The following DDX11 variants were observed in gnomAD, a reference collection of about 807,000 sequenced individuals.
DDX11 encodes DEAD/H-box helicase 11, also known as ATP-dependent DNA helicase DDX11.
A neutral mutation model predicts 125.2 loss-of-function variants in DDX11; 72 were observed. That is an observed-to-expected ratio of 0.58 (90% CI 0.48 to 0.70). DDX11 has a LOEUF of 0.70. Ranked by LOEUF, DDX11 falls within the 30% of genes least tolerant of loss-of-function variation. The pLI is 0.00. For synonymous variants in DDX11, 347 were observed against 452.6 expected (o/e 0.77, Z 2.96); for missense variants, 883 against 1,165.0 (o/e 0.76, Z 3.52).
intron 2 of DDX11, among the ~76,000 whole-genome samples, chr12:31,083,087 T>C (rs1453952157): frequency 1.3e-5 from 2 of 152,046 alleles, no homozygotes; most frequent in Non-Finnish European, 2.9e-5. Flanking sequence ...ACACAGGAAT[T>C]TGGAGGAATA....
chr12:31,083,668 C>T (rs911251498), intron 2 of DDX11, 145 bp from the exon 3 acceptor site: 4 of 1,060,480 alleles, frequency 3.8e-6, no homozygotes, highest in Non-Finnish European at 5.6e-6. Context: ...TGCTAATTTC[C>T]TTCCTTTCCT....
intron 20 of DDX11, chr12:31,101,595 G>A (rs934540704): frequency 1.2e-5 from 7 of 575,610 alleles, no homozygotes; most frequent in East Asian, 3.1e-5. Context: ...CCCTAGGGAC[G>A]CTAGTGCTGT....
At chr12:31,079,052 T>TA (rs1941318554) in intron 2 of DDX11, among the ~76,000 whole-genome samples, 1 of 152,178 alleles carries the variant, frequency 6.6e-6, no homozygotes, top group African/African-American at 2.4e-5. Context: ...GCCTACCTAT[T>TA]ACGGTAGATG....
At chr12:31,094,893 T>C in intron 14 of DDX11, 71 bp downstream of exon 14, 9 of 1,549,814 alleles carry the variant, frequency 5.8e-6, no homozygotes, top group Non-Finnish European at 8.0e-6. Flanking sequence ...TAAAGTACTA[T>C]GTTAAGACTG....
At chr12:31,095,261 T>TG (rs1188905120) in intron 14 of DDX11, among the ~76,000 whole-genome samples, 2 of 152,224 alleles carry the variant, frequency 1.3e-5, no homozygotes, top group African/African-American at 4.8e-5. Context: ...CACTGCCGCC[T>TG]GAACCCCAAG....
At chr12:31,085,987 C>T (rs1312077589) in intron 5 of DDX11, 1 of 453,388 alleles carries the variant, frequency 2.2e-6, no homozygotes, top group Non-Finnish European at 4.4e-6. Context: ...ATGGATATTC[C>T]TGAAGGTTCA....
chr12:31,083,889 C>G lies in DDX11; in HGVS notation c.221C>G (p.Ala74Gly), dbSNP rs1942510710. The G allele has an allele frequency of 5.0e-6, 8 of 1,613,436 alleles. No individual in the cohort carries two copies. The highest frequency in any genetic ancestry group is 6.8e-6 in the Non-Finnish European group (8 of 1,179,828). The change falls in exon 3 of 27, where the codon GCA (alanine) becomes GGA (glycine). Residue 74 changes from alanine (A) to glycine (G), a missense_variant. By Grantham distance (60) the Ala-to-Gly change is moderately conservative. Around this residue, in one of 5 missense-constraint regions of DDX11, gnomAD observed 283 missense variants for 359.6 expected, o/e 0.79. Coordinates refer to ENST00000542838, the MANE Select transcript of DDX11 (RefSeq NM_030653.4). Reference sequence around the variant, plus strand: ...GAACAGAAGAAGCGTGAAGAAGAGGCACGACTCCTTGAAACTGGAACTGGC... The same window carrying G: ...GAACAGAAGAAGCGTGAAGAAGAGGGACGACTCCTTGAAACTGGAACTGGC... ...DFEQKKREEE[A>G]RLLETGTGPL...
In DDX11 at chr12:31,097,924, A is replaced by G; in HGVS notation, c.1802A>G (p.Asn601Ser). ...AGCACCCTGAAGTTTTTGCTCCTGA[A>G]TCCAGCTGTGCACTTTGCCCAAGTG... ...SQSTLKFLLL[N>S]PAVHFAQVVK... The change falls in exon 18 of 27, where the codon AAT (asparagine) becomes AGT (serine). Residue 601 changes from asparagine to serine, a missense_variant. Asn to Ser is a conservative substitution (Grantham distance 46). Around this residue, in one of 5 missense-constraint regions of DDX11, gnomAD observed 241 missense variants for 279.7 expected, o/e 0.86. Coordinates refer to ENST00000542838, the MANE Select transcript of DDX11 (RefSeq NM_030653.4). The G allele has an allele frequency of 1.2e-6, 2 of 1,613,700 alleles. No individual in the cohort carries two copies. Among genetic ancestry groups the G allele is most frequent in the Non-Finnish European group, 8.5e-7 (1 of 1,179,818 alleles).
Position 31,103,564 on chromosome 12 carries a change from T to C in DDX11, c.2537-13T>C, listed in dbSNP as rs771825183. The C allele has an allele frequency of 6.2e-7, 1 of 1,613,876 alleles. No homozygotes were observed. The highest frequency in any genetic ancestry group is 8.5e-7 in the Non-Finnish European group (1 of 1,179,878). On this transcript the variant is annotated splice_polypyrimidine_tract_variant and intron_variant, in intron 25 of 26. Coordinates refer to ENST00000542838, the MANE Select transcript of DDX11 (RefSeq NM_030653.4). The stretch of plus-strand genomic sequence containing the variant: ...AGGTGTTGCTCGGAGCCCCAGCCTC[T>C]GTTCCTATGCAGGCAGGGCCATCAG...
At chr12:31,078,788 C>T (rs576202052) in intron 2 of DDX11, among the ~76,000 whole-genome samples, 65 of 151,716 alleles carry the variant, frequency 4.3e-4, no homozygotes, top group African/African-American at 1.5e-3. Flanking sequence ...CCCGGGTTCA[C>T]GCCATTCTCC....
At chr12:31,085,153 T>TG (rs1256560723) in intron 5 of DDX11, 27 bp downstream of exon 5, 1 of 1,550,814 alleles carries the variant, frequency 6.4e-7, no homozygotes, top group South Asian at 1.2e-5. Context: ...AGCACTACCC[T>TG]GCCCCAGGCC....
intron 2 of DDX11, among the ~76,000 whole-genome samples, chr12:31,083,243 CTGGGCAACAT>C (rs1292330729): frequency 6.6e-6 from 1 of 151,394 alleles, no homozygotes; most frequent in African/African-American, 2.4e-5. Context: ...CCATACCAGC[CTGGGCAACAT>C]AGCAAGACCT....
At chr12:31,078,789 G>A (rs757669726) in intron 2 of DDX11, among the ~76,000 whole-genome samples, 12 of 151,112 alleles carry the variant, frequency 7.9e-5, no homozygotes, top group Non-Finnish European at 1.5e-4. Context: ...CCGGGTTCAC[G>A]CCATTCTCCT....
chr12:31,100,295 G>A (rs774977353), intron 18 of DDX11: 3 of 244,432 alleles, frequency 1.2e-5, no homozygotes, highest in Non-Finnish European at 1.6e-5. Context: ...AGTCTAACAG[G>A]TGAAAGCCTG....
At position 31,078,433 on chromosome 12, in the gene DDX11, C is replaced by G; in HGVS notation, c.40C>G (p.Pro14Ala). ...ACAGAAGGTTGGTGCCATCCATTTT[C>G]CTTTTCCCTTCACACCCTATTCCAT... ...ETQKVGAIHF[P>A]FPFTPYSIQE... is the part of the protein sequence containing the mutation. Residue 14 changes from proline to alanine, a missense_variant, in exon 2 of 27, where the codon CCT becomes GCT. Pro to Ala is a conservative substitution (Grantham distance 27, BLOSUM62 -1). This residue lies in a region of DDX11 where 283 missense variants were observed against 359.6 expected (regional missense o/e 0.79). Transcript: ENST00000542838. 1 of 1,610,164 alleles carries G rather than the reference C, an allele frequency of 6.2e-7. No homozygotes were observed. Among genetic ancestry groups the G allele is most frequent in the Non-Finnish European group, 8.5e-7 (1 of 1,178,194 alleles).
rs150301253 is a variant in DDX11, at chr12:31,093,308, C to G, written c.1353C>G (p.Phe451Leu). Residue 451 changes from phenylalanine to leucine, a missense_variant, in exon 12 of 27, where the codon TTC becomes TTG. Phe to Leu is a conservative substitution (Grantham distance 22). This residue lies in a region of DDX11 where 241 missense variants were observed against 279.7 expected (regional missense o/e 0.86). Coordinates refer to ENST00000542838, the MANE Select transcript of DDX11 (RefSeq NM_030653.4). ...AGATCCTGTATTTGCTGGAGAAATT[C>G]GTGGCTGTGCTAGGGGGTGAGAGCC... Reference protein sequence around the residue: ...LKQILYLLEKFVAVLGGNIKQ... With the variant: ...LKQILYLLEKLVAVLGGNIKQ... 1,030 of 1,613,750 alleles carry G rather than the reference C, an allele frequency of 6.4e-4. 2 individuals carry two copies. The highest frequency in any genetic ancestry group is 1.4e-3 in the South Asian group (125 of 91,032).
chr12:31,101,992 C>A lies in DDX11; in HGVS notation c.2202+10C>A, dbSNP rs1407619699. 2.5e-6 allele frequency: 4 copies of A among 1,609,440 alleles called. No homozygotes were observed. Among genetic ancestry groups the A allele is most frequent in the Non-Finnish European group, 8.5e-7 (1 of 1,178,294 alleles). On this transcript the variant is annotated intron_variant, in intron 21 of 26. Coordinates refer to ENST00000542838, the MANE Select transcript of DDX11 (RefSeq NM_030653.4). ...GGCTGCCAGGAAGAAGGTGAGTGGC[C>A]TGTCGGCAGCCTTCCCACTTGTGAG...
rs538356463 is a variant in DDX11 at position 31,101,872 on chromosome 12, G to A, written c.2092G>A (p.Val698Met). The change falls in exon 21 of 27, where the codon GTG (valine) becomes ATG (methionine). Residue 698 changes from valine (V) to methionine (M), a missense_variant. Physicochemically the swap from Val to Met is conservative, Grantham distance 21. Transcript: ENST00000542838. ...TCGCATTCTCTGTAACCTGTGCGGT[G>A]TGGTTCCTGGAGGGGTGGTCTGTTT... ...VGRILCNLCG[V>M]VPGGVVCFFP... The A allele has an allele frequency of 5.1e-5, 82 of 1,613,978 alleles. No homozygotes were observed. In the Admixed American group the frequency reaches 9.8e-4, roughly 19 times the overall value.
chr12:31,084,151 A>G lies in DDX11; in HGVS notation c.393+90A>G, dbSNP rs561938172. ...GGCGATTCCGAGACTCAGGCAGTGC[A>G]TGCTCCCCTGCCGTTGCCGTGCCTC... On this transcript the variant is annotated intron_variant, in intron 3 of 26. Coordinates refer to ENST00000542838, the MANE Select transcript of DDX11 (RefSeq NM_030653.4). 2.3e-5 allele frequency: 35 copies of G among 1,551,268 alleles called. 1 individual carries two copies. The South Asian group carries it at 3.5e-4, about 15-fold the overall frequency.
Sources: allele counts gnomAD v4.1 joint callset (sites outside exome capture counted in the v4.1 genomes callset), GRCh38; gene constraint gnomAD v4.1.1; regional missense constraint gnomAD v4.1.1; transcripts MANE v1.5; gene names NCBI Gene and HGNC (gene_info 2026-07-23, HGNC 2026-07-21).